Variants in IPO11 observed in about 807,000 individuals in gnomAD.
The protein encoded by IPO11 is importin 11.
IPO11 carries 66 observed loss-of-function variants against 143.2 expected under a neutral mutation model. The observed-to-expected ratio is 0.46, with a 90% CI of 0.38 to 0.57. The LOEUF is 0.57. IPO11 is among the 20% of genes least tolerant of loss of function. The pLI, the probability that IPO11 is intolerant of heterozygous loss-of-function variation, is 0.00. For missense variants in IPO11, 1,026 were observed against 1,141.0 expected (o/e 0.90, Z 1.45); for synonymous variants, 385 against 377.8 (o/e 1.02, Z -0.22).
chr5:62,580,810 A>G (rs1278776050), intron 27 of IPO11: 7 of 1,551,290 alleles, frequency 4.5e-6, no homozygotes, highest in Non-Finnish European at 6.1e-6. Context: ...CTGGGAACGA[A>G]TTCCTACTTC....
intron 24 of IPO11, among the ~76,000 whole-genome samples, chr5:62,543,991 C>A (rs971135454): frequency 6.6e-6 from 1 of 151,964 alleles, no homozygotes; most frequent in East Asian, 1.9e-4. Flanking sequence ...TGTAGTTGAG[C>A]GGTTTTGAGT....
At chr5:62,443,534 A>G (rs956341341) in intron 3 of IPO11, among the ~76,000 whole-genome samples, 9 of 151,894 alleles carry the variant, frequency 5.9e-5, no homozygotes, top group South Asian at 4.2e-4. Context: ...AGGCTGAGGC[A>G]GGAGGATTGC....
chr5:62,521,856 G>T (rs1025131140), intron 20 of IPO11, among the ~76,000 whole-genome samples: 3 of 150,984 alleles, frequency 2.0e-5, no homozygotes, highest in Non-Finnish European at 4.4e-5. Context: ...GGGTTCTTTT[G>T]TGTTTTCCTG....
Position 62,443,224 on chromosome 5 carries a change from G to A in IPO11, c.239+141G>A. 1.2e-5 allele frequency: 6 copies of A among 493,686 alleles called. No individual in the cohort carries two copies. In the East Asian group the frequency reaches 1.7e-4, roughly 14 times the overall value. The allele number at this position is 493,686 out of a possible 1,614,324, so 30.6% of individuals were successfully genotyped here. ...ACTAAAATTGGAGCAATACAGAGACGATTAGCATGGTCTCTGTGCAAGGAT... is the reference window on the plus strand; with the variant it reads ...ACTAAAATTGGAGCAATACAGAGACAATTAGCATGGTCTCTGTGCAAGGAT... On this transcript the variant is annotated intron_variant, in intron 3 of 29. Transcript: ENST00000325324.
chr5:62,592,948 C>T (rs367797634), intron 28 of IPO11, among the ~76,000 whole-genome samples: 2 of 152,236 alleles, frequency 1.3e-5, no homozygotes, highest in South Asian at 4.2e-4. Flanking sequence ...ATCAATGGCA[C>T]ACGACTGTAA....
intron 20 of IPO11, among the ~76,000 whole-genome samples, 193 bp from the exon 21 acceptor site, chr5:62,525,949 A>G (rs1453102235): frequency 6.6e-6 from 1 of 152,234 alleles, no homozygotes; most frequent in African/African-American, 2.4e-5. Context: ...AGGCAATTGA[A>G]TAGTATTTTT....
At chr5:62,458,285 C>T (rs2112174993) in intron 5 of IPO11, among the ~76,000 whole-genome samples, 1 of 151,752 alleles carries the variant, frequency 6.6e-6, no homozygotes, top group South Asian at 2.1e-4. Flanking sequence ...ATCTCTTGCT[C>T]TGTGTAATTT....
chr5:62,503,999 T>A (rs573057762), intron 16 of IPO11, among the ~76,000 whole-genome samples: 1 of 152,204 alleles, frequency 6.6e-6, no homozygotes, highest in African/African-American at 2.4e-5. Context: ...ATGTGGAAAC[T>A]ATGAATATCT....
At chr5:62,527,397 A>G (rs970673715) in intron 21 of IPO11, among the ~76,000 whole-genome samples, 4 of 152,216 alleles carry the variant, frequency 2.6e-5, no homozygotes, top group Admixed American at 2.6e-4. Context: ...GTAAGTAGGT[A>G]TGGCTGTGCG....
chr5:62,496,706 CA>C, intron 16 of IPO11, among the ~76,000 whole-genome samples: 1 of 152,178 alleles, frequency 6.6e-6, no homozygotes, highest in South Asian at 2.1e-4. Context: ...TATATATATG[CA>C]AACATGCATT....
At chr5:62,473,555 A>G (rs920454214) in intron 7 of IPO11, among the ~76,000 whole-genome samples, 21 of 152,120 alleles carry the variant, frequency 1.4e-4, no homozygotes, top group Admixed American at 1.2e-3. Flanking sequence ...TCAATGAACA[A>G]TATATTTGAT....
intron 27 of IPO11, among the ~76,000 whole-genome samples, chr5:62,590,097 A>T (rs1744956662): frequency 6.6e-6 from 1 of 152,004 alleles, no homozygotes; most frequent in Admixed American, 6.5e-5. Flanking sequence ...CTGTGGGGAC[A>T]CTCCACCATC....
intron 24 of IPO11, among the ~76,000 whole-genome samples, chr5:62,544,277 C>T (rs549562109): frequency 8.5e-5 from 13 of 152,124 alleles, no homozygotes; most frequent in African/African-American, 2.6e-4. Context: ...GCTTCATCCC[C>T]GAGATTCAAG....
chr5:62,495,656 AGATG>A (rs1308616076), intron 16 of IPO11, among the ~76,000 whole-genome samples: 2 of 152,140 alleles, frequency 1.3e-5, no homozygotes, highest in East Asian at 1.9e-4. Context: ...TTTTTTGTAG[AGATG>A]GTATGTTGCC....
intron 1 of IPO11, 111 bp from the exon 2 acceptor site, chr5:62,437,163 A>AG (rs951916616): frequency 1.4e-6 from 1 of 715,722 alleles, no homozygotes; most frequent in African/African-American, 1.8e-5. Context: ...ATGAAGGATT[A>AG]GATGAATGGG....
chr5:62,515,171 T>G (rs1741972183), intron 19 of IPO11, among the ~76,000 whole-genome samples: 1 of 152,240 alleles, frequency 6.6e-6, no homozygotes, highest in Non-Finnish European at 1.5e-5. Context: ...GTACACTTGA[T>G]ATTTGTTTAA....
At chr5:62,523,128 C>T (rs149668077) in intron 20 of IPO11, among the ~76,000 whole-genome samples, 3 of 152,338 alleles carry the variant, frequency 2.0e-5, no homozygotes, top group Admixed American at 6.5e-5. Flanking sequence ...TCAGTTAGCA[C>T]TTGTCTTTCT....
chr5:62,572,573 A>T (rs943763700), intron 27 of IPO11, among the ~76,000 whole-genome samples: 25 of 91,790 alleles, frequency 2.7e-4, no homozygotes, highest in Non-Finnish European at 6.0e-4. Context: ...TTATTTATTT[A>T]TTTATTTATT....
At chr5:62,508,797 G>T (rs1032209324) in intron 19 of IPO11, among the ~76,000 whole-genome samples, 1 of 151,648 alleles carries the variant, frequency 6.6e-6, no homozygotes, top group Non-Finnish European at 1.5e-5. Context: ...GATGTTCCCC[G>T]CCCTGTGTCC....
Sources: allele counts gnomAD v4.1 joint callset (sites outside exome capture counted in the v4.1 genomes callset), GRCh38; gene constraint gnomAD v4.1.1; transcripts MANE v1.5; gene names NCBI Gene and HGNC (gene_info 2026-07-23, HGNC 2026-07-21).